ACO1: variants seen among roughly 807,000 people sequenced by gnomAD.
ACO1 encodes the protein aconitase 1, also known as cytoplasmic aconitate hydratase.
ACO1 carries 78 observed loss-of-function variants against 105.1 expected under a neutral mutation model. That is an observed-to-expected ratio of 0.74 (90% CI 0.62 to 0.90). The LOEUF (loss-of-function observed/expected upper bound fraction) is 0.90, where lower values mean the gene tolerates loss of function less well. Ranked by LOEUF, ACO1 falls within the 40% of genes least tolerant of loss-of-function variation. The pLI is 0.00. For synonymous variants in ACO1, 364 were observed against 397.4 expected, an observed-to-expected ratio of 0.92 and a Z score of 1.00; for missense variants, 965 against 1,111.1, an observed-to-expected ratio of 0.87 and a Z score of 1.87.
At chr9:32,437,260 G>A (rs146690051) in intron 18 of ACO1, among the ~76,000 whole-genome samples, 66 of 152,268 alleles carry the variant, frequency 4.3e-4, no homozygotes, top group African/African-American at 1.5e-3. Flanking sequence ...ATTGAGAAGT[G>A]AAGCATAAAG....
At chr9:32,420,794 A>G in intron 7 of ACO1, 62 bp from the exon 8 acceptor site, 1 of 1,540,306 alleles carries the variant, frequency 6.5e-7, no homozygotes, top group South Asian at 1.2e-5. Flanking sequence ...GCAAGATGGT[A>G]GTTCTGCATT....
intron 1 of ACO1, among the ~76,000 whole-genome samples, chr9:32,399,960 T>G (rs1243104701): frequency 9.1e-6 from 1 of 109,672 alleles, no homozygotes; most frequent in Non-Finnish European, 1.9e-5. Flanking sequence ...ATTTTTTTCT[T>G]TTTCTGTTTT....
intron 19 of ACO1, among the ~76,000 whole-genome samples, chr9:32,442,870 C>G (rs1350136538): frequency 2.0e-5 from 3 of 152,222 alleles, no homozygotes; most frequent in Non-Finnish European, 4.4e-5. Flanking sequence ...CATCTACATC[C>G]CCGGGTTAGT....
chr9:32,443,770 G>A (rs969926348), intron 19 of ACO1, among the ~76,000 whole-genome samples: 2 of 152,154 alleles, frequency 1.3e-5, no homozygotes, highest in African/African-American at 2.4e-5. Flanking sequence ...GAATTATAGA[G>A]GTAGCAAGGC....
intron 1 of ACO1, among the ~76,000 whole-genome samples, chr9:32,392,865 A>G (rs1468909733): frequency 1.3e-5 from 2 of 152,218 alleles, no homozygotes; most frequent in Non-Finnish European, 2.9e-5. Context: ...GCCTGTCTCT[A>G]CTGCAATCTC....
chr9:32,422,532 C>A (rs1427824993), intron 8 of ACO1, among the ~76,000 whole-genome samples: 3 of 152,206 alleles, frequency 2.0e-5, no homozygotes, highest in Non-Finnish European at 4.4e-5. Flanking sequence ...CTGTTTCTAA[C>A]CATCAGAGAA....
At position 32,440,494 on chromosome 9, in the gene ACO1, C is replaced by T; in HGVS notation, c.2277C>T (p.Tyr759=). The change falls in exon 19 of 21, where the codon TAC becomes TAT. Residue 759 remains tyrosine, a synonymous_variant. Coordinates refer to ENST00000309951, the MANE Select transcript of ACO1 (RefSeq NM_002197.3). The stretch of plus-strand genomic sequence containing the variant: ...ATGTGTTTGATGCTGCTGAGCGGTA[C>T]CAGCAGGCAGGCCTTCCCCTGATCG... The part of the protein sequence containing the change: ...ILDVFDAAER[Y]QQAGLPLIVL... 1 of 1,613,968 alleles carries T rather than the reference C, an allele frequency of 6.2e-7. No homozygotes were observed.
At position 32,451,836 on chromosome 9, in the gene ACO1, GTAGATCACCTGAGGTCAGGAGTTC is replaced by G. The variant is rs1670635790; in HGVS notation, c.*1730_*1753del. On this transcript the variant is annotated 3_prime_UTR_variant, in exon 21 of 21. Transcript: ENST00000309951. ...CCATCACTTTGGGAGGCCGAGGTGG[GTAGATCACCTGAGGTCAGGAGTTC>G]TAGACCAGCCTGGCCAACATGGTGA... 1 of 152,164 alleles carries G rather than the reference GTAGATCACCTGAGGTCAGGAGTTC, an allele frequency of 6.6e-6. No homozygotes were observed. The highest frequency in any genetic ancestry group is 2.1e-4 in the South Asian group (1 of 4,830). The allele number at this position is 152,164 out of a possible 1,614,324, so 9.4% of individuals were successfully genotyped here. A position where few individuals can be genotyped will look rare whatever the true frequency, so the allele number is the denominator to read the frequency against.
rs552608162 is a variant in ACO1 at position 32,443,772 on chromosome 9, T to G, written c.2370+3185T>G. Among the ~76,000 whole-genome samples, 4 of 152,312 alleles carry G rather than the reference T, an allele frequency of 2.6e-5. 1 individual carries two copies. Among genetic ancestry groups the G allele is most frequent in the African/African-American group, 7.2e-5 (3 of 41,570 alleles). On this transcript the variant is annotated intron_variant, in intron 19 of 20. Coordinates refer to ENST00000309951, the MANE Select transcript of ACO1 (RefSeq NM_002197.3). Reference sequence around the variant, plus strand: ...TGGTGTAAATGGAGAATTATAGAGGTAGCAAGGCAAAGGTTACAAAATATA... The same window carrying G: ...TGGTGTAAATGGAGAATTATAGAGGGAGCAAGGCAAAGGTTACAAAATATA...
At chr9:32,405,276 G>A (rs1005131152) in intron 1 of ACO1, among the ~76,000 whole-genome samples, 5 of 152,128 alleles carry the variant, frequency 3.3e-5, no homozygotes, top group Admixed American at 6.5e-5. Context: ...AAACTACCTC[G>A]TACCTACCAG....
Position 32,418,331 on chromosome 9 carries a change from G to T in ACO1, c.478G>T (p.Gly160Cys). 6.2e-7 allele frequency: 1 copy of T among 1,614,076 alleles called. No homozygotes were observed. The highest frequency in any genetic ancestry group is 2.2e-5 in the East Asian group (1 of 44,882). ...NRERFEFLKWGSQAFHNMRII... is the reference protein window; with the variant it reads ...NRERFEFLKWCSQAFHNMRII... ...TCTTTCCATTTGTCAATCCCAGTGG[G>T]GTTCCCAGGCTTTTCACAACATGCG... Residue 160 changes from glycine to cysteine, a missense_variant, in exon 6 of 21, where the codon GGT becomes TGT. Physicochemically the swap from Gly to Cys is radical, Grantham distance 159. Transcript: ENST00000309951.
chr9:32,410,525 A>C (rs1397292150), intron 4 of ACO1, among the ~76,000 whole-genome samples: 1 of 151,872 alleles, frequency 6.6e-6, no homozygotes, highest in East Asian at 1.9e-4. Flanking sequence ...GTGCCACTGC[A>C]CTCCAGCCTG....
At chr9:32,431,995 A>C in intron 15 of ACO1, 152 bp downstream of exon 15, 1 of 955,116 alleles carries the variant, frequency 1.0e-6, no homozygotes, top group Non-Finnish European at 1.5e-6. Flanking sequence ...GTTCTCCGTC[A>C]TTTTTCTCCT....
intron 1 of ACO1, among the ~76,000 whole-genome samples, chr9:32,393,242 G>C (rs1467317927): frequency 6.6e-6 from 1 of 152,162 alleles, no homozygotes; most frequent in African/African-American, 2.4e-5. Flanking sequence ...TTCTCAGCAA[G>C]GAACATCCCT....
intron 1 of ACO1, among the ~76,000 whole-genome samples, chr9:32,403,628 G>A (rs140830721): frequency 4.2e-4 from 64 of 152,306 alleles, no homozygotes; most frequent in African/African-American, 1.5e-3. Flanking sequence ...CTGCATAATG[G>A]CAGATAATAA....
At chr9:32,410,491 C>A (rs1821714901) in intron 4 of ACO1, among the ~76,000 whole-genome samples, 1 of 151,774 alleles carries the variant, frequency 6.6e-6, no homozygotes, top group Non-Finnish European at 1.5e-5. Flanking sequence ...ACTGGGGAGG[C>A]AGAGCTTGCC....
intron 1 of ACO1, among the ~76,000 whole-genome samples, chr9:32,399,941 A>G (rs1470695486): frequency 3.0e-5 from 2 of 66,102 alleles, no homozygotes; most frequent in Non-Finnish European, 6.5e-5. Context: ...GTGAGCATCT[A>G]TTTCTTTTAT....
intron 4 of ACO1, among the ~76,000 whole-genome samples, chr9:32,415,275 C>T (rs1039272547): frequency 1.3e-5 from 2 of 152,094 alleles, no homozygotes; most frequent in African/African-American, 4.8e-5. Context: ...CAGACTGGTG[C>T]ATGATGATTT....
rs1822173121 is a variant in ACO1, at chr9:32,429,328, G to C, written c.1485-91G>C. ...AGTTCATGCACTGCAATTCCTTTTT[G>C]AACAGTGGTCTCTGGAAACTGTGGC... On this transcript the variant is annotated intron_variant, in intron 12 of 20. Coordinates refer to ENST00000309951, the MANE Select transcript of ACO1 (RefSeq NM_002197.3). 6.7e-6 allele frequency: 8 copies of C among 1,200,676 alleles called. No homozygotes were observed. In the South Asian group the frequency reaches 1.0e-4, roughly 15 times the overall value. The allele number at this position is 1,200,676 out of a possible 1,614,324, so 74.4% of individuals were successfully genotyped here.
Sources: gnomAD v4.1 joint callset for allele counts (sites outside exome capture counted in the v4.1 genomes callset) on GRCh38, gnomAD v4.1.1 for gene constraint, MANE v1.5 for transcripts, NCBI Gene and HGNC (gene_info 2026-07-23, HGNC 2026-07-21) for gene names.